TRPC4: variants seen among roughly 807,000 people sequenced by gnomAD.
The protein encoded by TRPC4 is transient receptor potential cation channel subfamily C member 4.
Under a neutral mutation model 99.4 loss-of-function variants are expected in TRPC4, and 49 were observed. That is an observed-to-expected ratio of 0.49 (90% CI 0.39 to 0.63). The LOEUF (loss-of-function observed/expected upper bound fraction) is 0.63. Ranked by LOEUF, TRPC4 falls within the 20% of genes least tolerant of loss-of-function variation. The pLI, the probability that TRPC4 is intolerant of heterozygous loss-of-function variation, is 0.00. For synonymous variants in TRPC4, 454 were observed against 425.9 expected (o/e 1.07, Z -0.81); for missense variants, 898 against 1,152.9 (o/e 0.78, Z 3.20).
intron 3 of TRPC4, among the ~76,000 whole-genome samples, chr13:37,707,649 C>T (rs1170000827): frequency 6.6e-6 from 1 of 152,094 alleles, no homozygotes; most frequent in Non-Finnish European, 1.5e-5. Context: ...ACCACCATAA[C>T]TACTGCAATA....
intron 6 of TRPC4, among the ~76,000 whole-genome samples, chr13:37,656,146 A>C (rs1924283): frequency 0.15 from 22,116 of 152,076 alleles, 1,751 homozygotes; most frequent in East Asian, 0.31. Context: ...ATGTCCCTTT[A>C]ACTTACTCCA....
In TRPC4 at chr13:37,636,839, T is replaced by C; in HGVS notation, c.*64A>G. The stretch of plus-strand genomic sequence containing the variant: ...CATTTGCTAATACAATTTAAACATT[T>C]TCCCCCACCCAGAGCACTACGGAAA... On this transcript the variant is annotated 3_prime_UTR_variant, in exon 11 of 11. Coordinates refer to ENST00000379705, the MANE Select transcript of TRPC4 (RefSeq NM_016179.4). 1.3e-6 allele frequency: 2 copies of C among 1,524,398 alleles called. No homozygotes were observed. The highest frequency in any genetic ancestry group is 2.3e-5 in the East Asian group (1 of 44,122). 94.4% of individuals were successfully genotyped at this position (1,524,398 alleles called of 1,614,324 possible). A position where few individuals can be genotyped will look rare whatever the true frequency, so the allele number is the denominator to read the frequency against.
At chr13:37,718,664 A>G (rs536362381) in intron 3 of TRPC4, among the ~76,000 whole-genome samples, 3 of 152,292 alleles carry the variant, frequency 2.0e-5, no homozygotes, top group East Asian at 3.9e-4. Context: ...GCTTAACAGC[A>G]GAATAGATAT....
chr13:37,661,770 C>G (rs7330679), intron 6 of TRPC4, among the ~76,000 whole-genome samples: 32,248 of 151,612 alleles, frequency 0.21, 3,838 homozygotes, highest in Non-Finnish European at 0.26. Context: ...GTTTCCCTGG[C>G]CAAGTTGCAA....
intron 1 of TRPC4, among the ~76,000 whole-genome samples, chr13:37,817,305 T>C (rs910074276): frequency 9.9e-5 from 15 of 151,892 alleles, no homozygotes; most frequent in Non-Finnish European, 4.4e-5. Context: ...TCTAGGAATA[T>C]AGCTAACCAT....
intron 5 of TRPC4, among the ~76,000 whole-genome samples, chr13:37,672,503 C>T (rs1952885515): frequency 6.6e-6 from 1 of 152,132 alleles, no homozygotes; most frequent in Admixed American, 6.6e-5. Flanking sequence ...AGAAAATGAA[C>T]CTGAGTTTTG....
At chr13:37,773,078 A>C (rs17056628) in intron 2 of TRPC4, among the ~76,000 whole-genome samples, 13,969 of 151,728 alleles carry the variant, frequency 0.092, 1,132 homozygotes, top group African/African-American at 0.22. Context: ...AGTCAGGGGC[A>C]AAGATTCAGT....
At position 37,696,843 on chromosome 13, in the gene TRPC4, C is replaced by G. The variant is rs926479173; in HGVS notation, c.898-4508G>C. Among the ~76,000 whole-genome samples the G allele has an allele frequency of 2.6e-5, 4 of 151,498 alleles. No individual in the cohort carries two copies. The East Asian group carries it at 5.8e-4, about 22-fold the overall frequency. On this transcript the variant is annotated intron_variant, in intron 3 of 10. Transcript: ENST00000379705. ...TTTTCAAAAACTCATTTTATAATGT[C>G]GATAGCAGGGTCTAAGGATTATTTA...
chr13:37,739,503 G>GA (rs1555264834), intron 3 of TRPC4, among the ~76,000 whole-genome samples: 1 of 117,170 alleles, frequency 8.5e-6, no homozygotes, highest in African/African-American at 3.5e-5. Flanking sequence ...CAAAGCATGA[G>GA]ATTTTTTTTT....
intron 4 of TRPC4, among the ~76,000 whole-genome samples, chr13:37,687,165 A>T (rs776963295): frequency 5.9e-5 from 9 of 152,100 alleles, no homozygotes; most frequent in Non-Finnish European, 8.8e-5. Flanking sequence ...GGGTTTCACT[A>T]TGTTGGCCAG....
In TRPC4 at chr13:37,636,881, TA is replaced by T. The variant is rs766449091; in HGVS notation, c.*21del. 8.8e-6 allele frequency: 14 copies of T among 1,595,356 alleles called. No homozygotes were observed. The highest frequency in any genetic ancestry group is 1.1e-5 in the Non-Finnish European group (13 of 1,170,572). ...CTACGGAAAATACGTATGTGTATGG[TA>T]AACGCTTCCTCCTTCAAGTATCACA... On this transcript the variant is annotated 3_prime_UTR_variant, in exon 11 of 11. Coordinates refer to ENST00000379705, the MANE Select transcript of TRPC4 (RefSeq NM_016179.4).
intron 2 of TRPC4, among the ~76,000 whole-genome samples, chr13:37,776,398 T>A (rs1956704143): frequency 6.6e-6 from 1 of 151,788 alleles, no homozygotes; most frequent in South Asian, 2.1e-4. Flanking sequence ...GATAAGTATT[T>A]TATGGGGAGA....
intron 2 of TRPC4, among the ~76,000 whole-genome samples, chr13:37,765,657 T>C (rs867102864): frequency 6.6e-6 from 1 of 151,390 alleles, no homozygotes; most frequent in South Asian, 2.1e-4. Context: ...ATAAATTTTT[T>C]CTTTGGTTTT....
chr13:37,706,205 C>G (rs1013677520), intron 3 of TRPC4, among the ~76,000 whole-genome samples: 1 of 152,202 alleles, frequency 6.6e-6, no homozygotes, highest in African/African-American at 2.4e-5. Context: ...AACCGCTGAA[C>G]ATAGCAGAAG....
Position 37,746,461 on chromosome 13 carries a change from A to G in TRPC4, c.379-6T>C. 1.3e-6 allele frequency: 2 copies of G among 1,575,404 alleles called. No individual in the cohort carries two copies. The highest frequency in any genetic ancestry group is 2.2e-5 in the East Asian group (1 of 44,520). On this transcript the variant is annotated splice_polypyrimidine_tract_variant and splice_region_variant and intron_variant, in intron 2 of 10. Coordinates refer to ENST00000379705, the MANE Select transcript of TRPC4 (RefSeq NM_016179.4). ...TCAAGGAGTATAGGAGGCACCTAAA[A>G]AAAAAAAAGGCAGAGGTGATGAATA...
intron 3 of TRPC4, among the ~76,000 whole-genome samples, chr13:37,725,889 C>T (rs7997030): frequency 0.5 from 76,218 of 151,826 alleles, 20,049 homozygotes; most frequent in Non-Finnish European, 0.59. Flanking sequence ...AAGATCACAG[C>T]AAAAGTGAGT....
At chr13:37,821,516 GC>G (rs373776721) in intron 1 of TRPC4, among the ~76,000 whole-genome samples, 12 of 152,128 alleles carry the variant, frequency 7.9e-5, no homozygotes, top group African/African-American at 2.9e-4. Flanking sequence ...GAAATCCTAA[GC>G]AAAAAGAACA....
chr13:37,755,092 T>G (rs2139210274), intron 2 of TRPC4, among the ~76,000 whole-genome samples: 1 of 152,200 alleles, frequency 6.6e-6, no homozygotes, highest in African/African-American at 2.4e-5. Context: ...AAGTCAAATT[T>G]TTTGGAGAGA....
At chr13:37,710,156 A>G (rs975596564) in intron 3 of TRPC4, among the ~76,000 whole-genome samples, 8 of 151,974 alleles carry the variant, frequency 5.3e-5, no homozygotes, top group African/African-American at 1.7e-4. Flanking sequence ...ATAGAAAAAG[A>G]ACTGTTTGCT....
Sources: allele counts gnomAD v4.1 joint callset (sites outside exome capture counted in the v4.1 genomes callset), GRCh38; gene constraint gnomAD v4.1.1; transcripts MANE v1.5; gene names NCBI Gene and HGNC (gene_info 2026-07-23, HGNC 2026-07-21).